Variants in PIWIL3 observed in about 807,000 individuals in gnomAD.
PIWIL3 encodes the protein piwi like RNA-mediated gene silencing 3, also known as piwi-like protein 3.
Under a neutral mutation model 109.7 loss-of-function variants are expected in PIWIL3, and 101 were observed. The ratio of observed to expected loss-of-function variants is 0.92; its 90% CI spans 0.78 to 1.09. The LOEUF (loss-of-function observed/expected upper bound fraction) is 1.09, where lower values mean the gene tolerates loss of function less well. Among genes scored for constraint, PIWIL3 ranks in the 50% least tolerant of loss-of-function variants. The pLI is 0.00. For synonymous variants in PIWIL3, 373 were observed against 376.4 expected, an observed-to-expected ratio of 0.99 and a Z score of 0.10; for missense variants, 1,031 against 1,072.6, an observed-to-expected ratio of 0.96 and a Z score of 0.54.
chr22:24,725,156 T>C, intron 17 of PIWIL3, 119 bp from the exon 18 acceptor site: 1 of 1,221,500 alleles, frequency 8.2e-7, no homozygotes, highest in East Asian at 2.5e-5. Context: ...ATTTTACTGC[T>C]TAAGTCCTGT....
intron 12 of PIWIL3, among the ~76,000 whole-genome samples, chr22:24,736,595 T>A (rs114210204): frequency 6.6e-6 from 1 of 152,170 alleles, no homozygotes; most frequent in Non-Finnish European, 1.5e-5. Context: ...TGACAACTAT[T>A]TGTACAAAGG....
rs758848736 is a variant in PIWIL3, at chr22:24,749,445, T to G, written c.1293A>C (p.Arg431Ser). The G allele has an allele frequency of 3.2e-5, 51 of 1,613,830 alleles. No homozygotes were observed. The South Asian group carries it at 5.5e-4, about 17-fold the overall frequency. Residue 431 changes from arginine to serine, a missense_variant, in exon 11 of 21, where the codon AGA (arginine) becomes AGC (serine). Coordinates refer to ENST00000616349, the MANE Select transcript of PIWIL3 (RefSeq NM_001255975.1). The part of the protein sequence containing the change: ...LAKHTRLSPR[R>S]RHHTLKEFIN... ...TGAATTCTTTTAATGTATGATGCCT[T>G]CTTCTTGGACTCAATCTTGTATGTT...
intron 1 of PIWIL3, among the ~76,000 whole-genome samples, chr22:24,766,792 C>T (rs1227961415): frequency 6.6e-6 from 1 of 151,958 alleles, no homozygotes. Context: ...CACCATTATC[C>T]TATAGAAATC....
At chr22:24,755,553 T>A (rs976729135) in intron 6 of PIWIL3, among the ~76,000 whole-genome samples, 1 of 145,256 alleles carries the variant, frequency 6.9e-6, no homozygotes, top group African/African-American at 2.5e-5. Context: ...TCTAGGCAGG[T>A]ATGAGACAAA....
intron 1 of PIWIL3, among the ~76,000 whole-genome samples, chr22:24,770,857 A>C (rs1423344186): frequency 1.3e-5 from 2 of 151,498 alleles, no homozygotes; most frequent in African/African-American, 4.9e-5. Flanking sequence ...ATAATAAATA[A>C]ATAAAAAGAA....
chr22:24,734,015 C>A (rs1033996299), intron 14 of PIWIL3, 69 bp downstream of exon 14: 140 of 1,514,590 alleles, frequency 9.2e-5, no homozygotes, highest in Non-Finnish European at 2.2e-5. Context: ...ATTTTGAATT[C>A]TAAAATACTT....
At chr22:24,722,345 G>A (rs1353191479) in intron 19 of PIWIL3, among the ~76,000 whole-genome samples, 1 of 152,064 alleles carries the variant, frequency 6.6e-6, no homozygotes, top group Non-Finnish European at 1.5e-5. Flanking sequence ...GCCTCCCAAA[G>A]TGCTGGGATT....
intron 18 of PIWIL3, 71 bp downstream of exon 18, chr22:24,724,816 C>G (rs1026449404): frequency 1.3e-6 from 2 of 1,500,282 alleles, no homozygotes; most frequent in Non-Finnish European, 1.8e-6. Context: ...AAGGGATCTG[C>G]CCACCTTAAC....
intron 1 of PIWIL3, among the ~76,000 whole-genome samples, chr22:24,764,829 T>C (rs1199390859): frequency 6.6e-6 from 1 of 152,132 alleles, no homozygotes; most frequent in African/African-American, 2.4e-5. Context: ...TGCCTGCCAT[T>C]GGCATGGCTG....
intron 2 of PIWIL3, chr22:24,761,860 A>G (rs922818006): frequency 1.2e-5 from 9 of 757,862 alleles, no homozygotes; most frequent in Non-Finnish European, 1.4e-5. Context: ...GCAACAGTCA[A>G]ACAGCAGAAT....
intron 1 of PIWIL3, 58 bp from the exon 2 acceptor site, chr22:24,762,579 T>A: frequency 7.4e-7 from 1 of 1,359,104 alleles, no homozygotes; most frequent in African/African-American, 1.5e-5. Context: ...CTTACTCTCT[T>A]TAGGGTTGCT....
chr22:24,767,563 A>C (rs1305691856), intron 1 of PIWIL3, among the ~76,000 whole-genome samples: 2 of 151,128 alleles, frequency 1.3e-5, no homozygotes, highest in South Asian at 4.2e-4. Flanking sequence ...AAAAAAAAAA[A>C]GGGCAAAGAG....
At chr22:24,730,802 T>C (rs1923305776) in intron 14 of PIWIL3, among the ~76,000 whole-genome samples, 1 of 152,230 alleles carries the variant, frequency 6.6e-6, no homozygotes, top group African/African-American at 2.4e-5. Context: ...CCTACTGGCA[T>C]TTTTACTACA....
At chr22:24,750,635 C>T (rs1924652781) in intron 9 of PIWIL3, among the ~76,000 whole-genome samples, 1 of 150,714 alleles carries the variant, frequency 6.6e-6, no homozygotes, top group Non-Finnish European at 1.5e-5. Flanking sequence ...ATTACAGGCA[C>T]GTGCCACCAT....
chr22:24,756,552 A>C lies in PIWIL3; in HGVS notation c.509T>G (p.Phe170Cys), dbSNP rs1258083273. 1 of 1,614,186 alleles carries C rather than the reference A, an allele frequency of 6.2e-7. No individual in the cohort carries two copies. Among genetic ancestry groups the C allele is most frequent in the South Asian group, 1.1e-5 (1 of 91,080 alleles). ...TILLDQHRRK[F>C]GERHIFDGNS... Reference sequence around the variant, plus strand: ...TCCATCAAATATATGGCGCTCTCCAAATTTCCTTCTATGTTGATCAAGTAA... The same window carrying C: ...TCCATCAAATATATGGCGCTCTCCACATTTCCTTCTATGTTGATCAAGTAA... The change falls in exon 5 of 21, where the codon TTT becomes TGT. Residue 170 changes from phenylalanine (F) to cysteine (C), a missense_variant. Coordinates refer to ENST00000616349, the MANE Select transcript of PIWIL3 (RefSeq NM_001255975.1).
At chr22:24,755,741 A>G (rs1298624843) in intron 6 of PIWIL3, 43 bp downstream of exon 6, 39 of 1,611,012 alleles carry the variant, frequency 2.4e-5, no homozygotes, top group Non-Finnish European at 3.3e-5. Flanking sequence ...ACACAGTAAA[A>G]CAACCGAATG....
chr22:24,719,519 G>T lies in PIWIL3; in HGVS notation c.2575C>A (p.His859Asn), dbSNP rs1399565325. ...KLAYLVGQSI[H>N]QEPNRSLSTR... is the part of the protein sequence containing the mutation. ...GACAAGGAACGATTCGGTTCCTGGT[G>T]AATGGACTGCCCCACGAGGTAAGCC... The change falls in exon 21 of 21, where the codon CAC becomes AAC. Residue 859 changes from histidine (H) to asparagine (N), a missense_variant. Physicochemically the swap from His to Asn is moderately conservative, Grantham distance 68. Transcript: ENST00000616349. The T allele has an allele frequency of 2.6e-5, 41 of 1,606,314 alleles. No homozygotes were observed. Among genetic ancestry groups the T allele is most frequent in the Non-Finnish European group, 3.0e-5 (35 of 1,177,634 alleles).
At chr22:24,773,451 C>A (rs1926239603) in intron 1 of PIWIL3, among the ~76,000 whole-genome samples, 1 of 152,174 alleles carries the variant, frequency 6.6e-6, no homozygotes, top group Admixed American at 6.5e-5. Flanking sequence ...GAGCTTGAAG[C>A]ACTGGCAGGT....
At chr22:24,749,654 T>C in intron 10 of PIWIL3, 39 bp downstream of exon 10, 3 of 1,614,070 alleles carry the variant, frequency 1.9e-6, no homozygotes, top group Non-Finnish European at 2.5e-6. Context: ...AAGTCGTAAT[T>C]ATACCTGACT....
Sources: gnomAD v4.1 joint callset for allele counts (sites outside exome capture counted in the v4.1 genomes callset) on GRCh38, gnomAD v4.1.1 for gene constraint, MANE v1.5 for transcripts, NCBI Gene and HGNC (gene_info 2026-07-23, HGNC 2026-07-21) for gene names.